The following SS18L1 variants were observed in gnomAD, a reference collection of about 807,000 sequenced individuals.
The protein encoded by SS18L1 is calcium-responsive transactivator.
In SS18L1, 32 loss-of-function variants were observed where a neutral mutation model predicts 70.3. The ratio of observed to expected loss-of-function variants is 0.46; its 90% CI spans 0.34 to 0.61. The LOEUF is 0.61. Among genes scored for constraint, SS18L1 ranks in the 20% least tolerant of loss-of-function variants. The pLI, the probability that SS18L1 is intolerant of heterozygous loss-of-function variation, is 0.01. For synonymous variants in SS18L1, 237 were observed against 229.7 expected (o/e 1.03, Z -0.29); for missense variants, 430 against 542.1 (o/e 0.79, Z 2.05).
In SS18L1 at chr20:62,159,980, T is replaced by C; in HGVS notation, c.231+19T>C. On this transcript the variant is annotated intron_variant, in intron 3 of 10. Coordinates refer to ENST00000331758, the MANE Select transcript of SS18L1 (RefSeq NM_198935.3). This position sits in a 1 kb window ranked among gnomAD's most constrained non-coding sequence, Gnocchi z 4.4. ...TCCTGCCGTGAGTACCCACGGGGGG[T>C]TGGCCTCCTTTACCCAGCAAGGACT... is the stretch of plus-strand genomic sequence containing the variant. The C allele has an allele frequency of 6.2e-7, 1 of 1,602,072 alleles. No individual in the cohort carries two copies. The highest frequency in any genetic ancestry group is 8.5e-7 in the Non-Finnish European group (1 of 1,175,724).
At position 62,143,809 on chromosome 20, in the gene SS18L1, C is replaced by A; in HGVS notation, c.-12C>A. On this transcript the variant is annotated 5_prime_UTR_variant, in exon 1 of 11. Transcript: ENST00000331758. ...ACCTCGATGACCACGGGCTGAGCCC[C>A]GCGCCGCCACCATGTCCGTGGCCTT... The A allele has an allele frequency of 7.4e-7, 1 of 1,357,594 alleles. No individual in the cohort carries two copies. The highest frequency in any genetic ancestry group is 9.8e-7 in the Non-Finnish European group (1 of 1,025,370). The allele number at this position is 1,357,594 out of a possible 1,614,324, so 84.1% of individuals were successfully genotyped here. A position where few individuals can be genotyped will look rare whatever the true frequency, so the allele number is the denominator to read the frequency against.
chr20:62,151,377 T>C (rs1002983345), intron 1 of SS18L1, among the ~76,000 whole-genome samples: 8 of 152,196 alleles, frequency 5.3e-5, no homozygotes, highest in African/African-American at 1.9e-4. Flanking sequence ...GTTTCTCTGC[T>C]CACCCACATG....
Position 62,174,385 on chromosome 20 carries a change from C to T in SS18L1, c.1037-132C>T, listed in dbSNP as rs927148787. 76 of 1,429,876 alleles carry T rather than the reference C, an allele frequency of 5.3e-5. No homozygotes were observed. In the Admixed American group the frequency reaches 8.5e-4, roughly 16 times the overall value. 88.6% of individuals were successfully genotyped at this position (1,429,876 alleles called of 1,614,324 possible). A position where few individuals can be genotyped will look rare whatever the true frequency, so the allele number is the denominator to read the frequency against. The stretch of plus-strand genomic sequence containing the variant: ...AGGTGCCAGGTGTTCTGGAGATTGA[C>T]AAAAGGCTGATGCATTGAGACGGGA... On this transcript the variant is annotated intron_variant, in intron 9 of 10. Coordinates refer to ENST00000331758, the MANE Select transcript of SS18L1 (RefSeq NM_198935.3). This position sits in a 1 kb window ranked among gnomAD's most constrained non-coding sequence, Gnocchi z 4.1.
intron 1 of SS18L1, among the ~76,000 whole-genome samples, chr20:62,148,885 C>T (rs1415887902): frequency 6.6e-6 from 1 of 152,264 alleles, no homozygotes; most frequent in Non-Finnish European, 1.5e-5. Context: ...TTACCCGTGA[C>T]CTTTCCAAGG....
intron 8 of SS18L1, among the ~76,000 whole-genome samples, chr20:62,165,783 A>G (rs527933262): frequency 2.6e-5 from 4 of 150,964 alleles, no homozygotes; most frequent in Non-Finnish European, 4.4e-5. Context: ...TATTGGGTCC[A>G]GCCAGGGAGC....
chr20:62,172,536 A>T, intron 8 of SS18L1, 146 bp from the exon 9 acceptor site: 1 of 1,184,942 alleles, frequency 8.4e-7, no homozygotes, highest in Non-Finnish European at 1.2e-6. Flanking sequence ...GTAGTATAGT[A>T]TTTGAATGGT....
intron 10 of SS18L1, among the ~76,000 whole-genome samples, chr20:62,178,258 G>C (rs1289808613): frequency 1.4e-5 from 2 of 146,826 alleles, no homozygotes; most frequent in Non-Finnish European, 3.0e-5. Context: ...TGATTCTCCT[G>C]CCTCAGCCTC....
chr20:62,151,964 C>G (rs555610600), intron 1 of SS18L1, among the ~76,000 whole-genome samples: 2 of 148,872 alleles, frequency 1.3e-5, no homozygotes, highest in Admixed American at 6.6e-5. Flanking sequence ...CTCCCCCGTT[C>G]CCCTCTTTTC....
intron 1 of SS18L1, among the ~76,000 whole-genome samples, chr20:62,148,320 G>A (rs1193114539): frequency 6.8e-6 from 1 of 147,942 alleles, no homozygotes; most frequent in Non-Finnish European, 1.5e-5. Context: ...TGTCTTAGGT[G>A]AGGGAGGCTT....
chr20:62,166,792 G>T (rs183443073), intron 8 of SS18L1, among the ~76,000 whole-genome samples: 56 of 151,450 alleles, frequency 3.7e-4, no homozygotes, highest in African/African-American at 1.3e-3. Context: ...GGACGTGGTG[G>T]CATGTGCCTG....
chr20:62,162,098 G>C (rs925259197), intron 4 of SS18L1, among the ~76,000 whole-genome samples: 8 of 152,124 alleles, frequency 5.3e-5, no homozygotes, highest in Non-Finnish European at 4.4e-5. Context: ...GTGCACACTT[G>C]TAGTCCAAAC....
chr20:62,175,753 T>C (rs554815771), intron 10 of SS18L1, among the ~76,000 whole-genome samples: 1 of 152,338 alleles, frequency 6.6e-6, no homozygotes, highest in African/African-American at 2.4e-5. Flanking sequence ...ATGCTTCTCG[T>C]CCTCCTTCTT....
rs769452030 is a variant in SS18L1 at position 62,174,603 on chromosome 20, G to C, written c.1123G>C (p.Ala375Pro). ...CGGAAGCTACCGAGCACCGCAGACA[G>C]CGCCGTCTGCCCAGCAGCAGCGGCC... is the stretch of plus-strand genomic sequence containing the variant. Reference protein sequence around the residue: ...QYGSYRAPQTAPSAQQQRPYG... With the variant: ...QYGSYRAPQTPPSAQQQRPYG... The change falls in exon 10 of 11, where the codon GCG (alanine) becomes CCG (proline). Residue 375 changes from alanine (A) to proline (P), a missense_variant. Transcript: ENST00000331758. The surrounding 1 kb of genome is among the most constrained non-coding windows in gnomAD (Gnocchi z 4.1). The C allele has an allele frequency of 1.2e-6, 2 of 1,613,736 alleles. No homozygotes were observed. Among genetic ancestry groups the C allele is most frequent in the Non-Finnish European group, 1.7e-6 (2 of 1,180,042 alleles).
chr20:62,178,842 G>A (rs2057665508), intron 10 of SS18L1, among the ~76,000 whole-genome samples: 1 of 152,220 alleles, frequency 6.6e-6, no homozygotes, highest in African/African-American at 2.4e-5. Context: ...GCAGGCTCGG[G>A]GGCAGATGGT....
At position 62,174,607 on chromosome 20, in the gene SS18L1, C is replaced by T. The variant is rs770605211; in HGVS notation, c.1127C>T (p.Pro376Leu). Residue 376 changes from proline (P) to leucine (L), a missense_variant, in exon 10 of 11, where the codon CCG (proline) becomes CTG (leucine). Physicochemically the swap from Pro to Leu is moderately conservative, Grantham distance 98. Coordinates refer to ENST00000331758, the MANE Select transcript of SS18L1 (RefSeq NM_198935.3). This position sits in a 1 kb window ranked among gnomAD's most constrained non-coding sequence, Gnocchi z 4.1. ...YGSYRAPQTA[P>L]SAQQQRPYGY... The stretch of plus-strand genomic sequence containing the variant: ...AGCTACCGAGCACCGCAGACAGCGC[C>T]GTCTGCCCAGCAGCAGCGGCCCTAC... The T allele has an allele frequency of 1.2e-6, 2 of 1,613,762 alleles. No individual in the cohort carries two copies. Among genetic ancestry groups the T allele is most frequent in the South Asian group, 1.1e-5 (1 of 91,088 alleles).
Position 62,174,664 on chromosome 20 carries a change from C to G in SS18L1, c.1164+20C>G, listed in dbSNP as rs755411741. ...GAACAGGCAAGCTTTCTGGATGTTT[C>G]CAGATGTGCCCATCCGCCGCGCCTG... is the stretch of plus-strand genomic sequence containing the variant. On this transcript the variant is annotated intron_variant, in intron 10 of 10. Coordinates refer to ENST00000331758, the MANE Select transcript of SS18L1 (RefSeq NM_198935.3). The surrounding 1 kb of genome is among the most constrained non-coding windows in gnomAD (Gnocchi z 4.1). 1.9e-6 allele frequency: 3 copies of G among 1,613,244 alleles called. No homozygotes were observed. The highest frequency in any genetic ancestry group is 2.5e-6 in the Non-Finnish European group (3 of 1,179,996).
chr20:62,172,630 C>A, intron 8 of SS18L1, 52 bp from the exon 9 acceptor site: 1 of 1,609,388 alleles, frequency 6.2e-7, no homozygotes, highest in South Asian at 1.1e-5. Context: ...ACAGAATGAG[C>A]CCCCTTAGCC....
At position 62,174,704 on chromosome 20, in the gene SS18L1, A is replaced by G. The variant is rs1355491092; in HGVS notation, c.1164+60A>G. Reference sequence around the variant, plus strand: ...CGCCGCGCCTGTCGAGACATAATGAAGATTTCTCTTATGGCCATGAGGAAT... The same window carrying G: ...CGCCGCGCCTGTCGAGACATAATGAGGATTTCTCTTATGGCCATGAGGAAT... On this transcript the variant is annotated intron_variant, in intron 10 of 10. Coordinates refer to ENST00000331758, the MANE Select transcript of SS18L1 (RefSeq NM_198935.3). This position sits in a 1 kb window ranked among gnomAD's most constrained non-coding sequence, Gnocchi z 4.1. 1.2e-6 allele frequency: 2 copies of G among 1,612,188 alleles called. No homozygotes were observed. The highest frequency in any genetic ancestry group is 1.7e-5 in the Admixed American group (1 of 59,990).
intron 5 of SS18L1, 93 bp from the exon 6 acceptor site, chr20:62,163,365 G>A (rs1490708123): frequency 3.5e-5 from 54 of 1,563,374 alleles, no homozygotes; most frequent in Non-Finnish European, 4.4e-5. Context: ...GGAAAATAAC[G>A]AGGAACCCGC....
Sources: gnomAD v4.1 joint callset for allele counts (sites outside exome capture counted in the v4.1 genomes callset) on GRCh38, gnomAD v4.1.1 for gene constraint, Gnocchi (gnomAD v3.1) non-coding constraint, MANE v1.5 for transcripts, NCBI Gene and HGNC (gene_info 2026-07-23, HGNC 2026-07-21) for gene names.